TMEM229B: variants seen among roughly 807,000 people sequenced by gnomAD.
The protein encoded by TMEM229B is transmembrane protein 229B.
A neutral mutation model predicts 13.7 loss-of-function variants in TMEM229B; 6 were observed. The observed-to-expected ratio is 0.44, with a 90% CI of 0.24 to 0.86. The LOEUF (loss-of-function observed/expected upper bound fraction) is 0.86, where lower values mean the gene tolerates loss of function less well. Among genes scored for constraint, TMEM229B ranks in the 40% least tolerant of loss-of-function variants. The probability of loss-of-function intolerance (pLI) is 0.23; values close to 1 mark genes in which losing one functional copy is unlikely to be tolerated. For synonymous variants in TMEM229B, 107 were observed against 102.1 expected, an observed-to-expected ratio of 1.05 and a Z score of -0.29; for missense variants, 170 against 236.0, an observed-to-expected ratio of 0.72 and a Z score of 1.83.
At chr14:67,517,287 C>G (rs538254519), upstream of TMEM229B, among the ~76,000 whole-genome samples, 1 of 152,198 alleles carries the variant, frequency 6.6e-6, no homozygotes, top group African/African-American at 2.4e-5. Context: ...TGGCTCTCCC[C>G]CAGGCTCTGG....
At chr14:67,504,003 A>AT (rs1241636868) in intron 1 of TMEM229B, among the ~76,000 whole-genome samples, 1 of 114,808 alleles carries the variant, frequency 8.7e-6, no homozygotes, top group African/African-American at 3.4e-5. Flanking sequence ...TGCCCAGCCT[A>AT]TTTTTTAATT....
intron 1 of TMEM229B, 118 bp downstream of exon 1, chr14:67,488,390 C>G (rs1031833102): frequency 2.0e-5 from 3 of 152,300 alleles, no homozygotes; most frequent in Non-Finnish European, 2.9e-5. Flanking sequence ...CCTGGGTCTC[C>G]CCCCGGGGCC....
intron 1 of TMEM229B, among the ~76,000 whole-genome samples, chr14:67,508,135 C>CAAAAAAAAAAAAAAAAAAAAAAAA (rs34715322): frequency 3.8e-5 from 5 of 130,618 alleles, no homozygotes; most frequent in African/African-American, 1.5e-4. Context: ...AACTCCATCT[C>CAAAAAAAAAAAAAAAAAAAAAAAA]AAAAAAAAAA....
intron 1 of TMEM229B, among the ~76,000 whole-genome samples, chr14:67,528,483 C>T (rs987453856): frequency 2.6e-5 from 4 of 152,342 alleles, no homozygotes; most frequent in Admixed American, 2.0e-4. Flanking sequence ...TTGATGTGAG[C>T]AGCCATTGTT....
At chr14:67,528,659 TC>T (rs2033402657) in intron 1 of TMEM229B, among the ~76,000 whole-genome samples, 1 of 152,164 alleles carries the variant, frequency 6.6e-6, no homozygotes, top group Non-Finnish European at 1.5e-5. Context: ...TCCCTCCCTC[TC>T]CTGTCCCTAT....
chr14:67,532,790 T>C (rs1180985623), intron 1 of TMEM229B, among the ~76,000 whole-genome samples: 1 of 152,234 alleles, frequency 6.6e-6, no homozygotes, highest in Non-Finnish European at 1.5e-5. Context: ...TATGGACTTC[T>C]GTTCCAAATA....
chr14:67,492,410 A>C (rs748240158), upstream of TMEM229B, among the ~76,000 whole-genome samples: 1 of 152,212 alleles, frequency 6.6e-6, no homozygotes, highest in Non-Finnish European at 1.5e-5. Context: ...AATACTCTGC[A>C]CATGAGACCA....
intron 1 of TMEM229B, among the ~76,000 whole-genome samples, chr14:67,522,000 G>A (rs2033297951): frequency 1.3e-5 from 2 of 152,110 alleles, no homozygotes; most frequent in South Asian, 2.1e-4. Flanking sequence ...CATAGTGAAA[G>A]TCGTCTCTAC....
chr14:67,532,529 C>G (rs1381258755), intron 1 of TMEM229B, among the ~76,000 whole-genome samples: 2 of 152,246 alleles, frequency 1.3e-5, no homozygotes, highest in Non-Finnish European at 2.9e-5. Context: ...CACATGGGCA[C>G]GCTGATGACT....
intron 2 of TMEM229B, among the ~76,000 whole-genome samples, chr14:67,475,018 C>T (rs1291290263): frequency 6.7e-6 from 1 of 149,440 alleles, no homozygotes; most frequent in Non-Finnish European, 1.5e-5. Context: ...TGGGTTCAAG[C>T]GATTCTCCTG....
At chr14:67,484,884 C>A (rs1206263613) in intron 2 of TMEM229B, among the ~76,000 whole-genome samples, 2 of 152,202 alleles carry the variant, frequency 1.3e-5, no homozygotes, top group Admixed American at 1.3e-4. Context: ...CTGCAACCTG[C>A]CATTTTTACT....
intron 1 of TMEM229B, among the ~76,000 whole-genome samples, chr14:67,505,921 G>A (rs762459333): frequency 3.3e-5 from 5 of 152,070 alleles, no homozygotes; most frequent in African/African-American, 9.7e-5. Flanking sequence ...GGCTGGTCTC[G>A]AACTCCTGAC....
chr14:67,522,332 G>T (rs1296907379), intron 1 of TMEM229B, among the ~76,000 whole-genome samples: 2 of 152,154 alleles, frequency 1.3e-5, no homozygotes, highest in East Asian at 1.9e-4. Context: ...AAGAATTTCT[G>T]CCCTGGAGAT....
At chr14:67,481,276 T>C (rs1440791789) in intron 2 of TMEM229B, among the ~76,000 whole-genome samples, 1 of 152,074 alleles carries the variant, frequency 6.6e-6, no homozygotes, top group African/African-American at 2.4e-5. Flanking sequence ...AGCAAGACCC[T>C]GTCTCTTAAA....
intron 1 of TMEM229B, among the ~76,000 whole-genome samples, chr14:67,513,899 A>C (rs1040563732): frequency 6.6e-6 from 1 of 152,186 alleles, no homozygotes; most frequent in African/African-American, 2.4e-5. Flanking sequence ...AAGGCCAAGC[A>C]CTGGGGACCT....
rs150464712 is a variant in TMEM229B, at chr14:67,503,257, G to C, written c.-192+11829C>G. On this transcript the variant is annotated intron_variant, in intron 1 of 2. Coordinates refer to the TMEM229B transcript ENST00000357461. Reference sequence around the variant, plus strand: ...AAACTTGCAGCAGAGATGGTCTCTGGCTTCTAAAAGGACTACAGTTTGGGT... The same window carrying C: ...AAACTTGCAGCAGAGATGGTCTCTGCCTTCTAAAAGGACTACAGTTTGGGT... 4.8e-4 allele frequency among the ~76,000 whole-genome samples: 73 copies of C among 152,302 alleles called. 1 individual carries two copies. The East Asian group carries it at 8.7e-3, about 18-fold the overall frequency.
At chr14:67,525,025 C>T (rs908813827) in intron 1 of TMEM229B, among the ~76,000 whole-genome samples, 5 of 152,142 alleles carry the variant, frequency 3.3e-5, no homozygotes, top group Non-Finnish European at 7.3e-5. Flanking sequence ...CTCTGAATCT[C>T]GGCTTTCTAC....
intron 1 of TMEM229B, among the ~76,000 whole-genome samples, chr14:67,509,207 C>T (rs1284376267): frequency 6.6e-6 from 1 of 152,172 alleles, no homozygotes; most frequent in African/African-American, 2.4e-5. Context: ...GTCTACTTCC[C>T]TACTGCAGGG....
At chr14:67,515,409 G>GGCGGCA (rs1473348201) in exon 1 of TMEM229B, 2 of 172,754 alleles carry the variant, frequency 1.2e-5, no homozygotes, top group Non-Finnish European at 2.4e-5. Flanking sequence ...AGGAGCCCCC[G>GGCGGCA]GCGGCGGCGG....
Sources: gnomAD v4.1 joint callset for allele counts (sites outside exome capture counted in the v4.1 genomes callset) on GRCh38, gnomAD v4.1.1 for gene constraint, MANE v1.5 for transcripts, NCBI Gene and HGNC (gene_info 2026-07-23, HGNC 2026-07-21) for gene names.